The following DNAJC1 variants were observed in gnomAD, a reference collection of about 807,000 sequenced individuals.
DNAJC1 encodes the protein dnaJ homolog subfamily C member 1.
Under a neutral mutation model 76.6 loss-of-function variants are expected in DNAJC1, and 58 were observed. That is an observed-to-expected ratio of 0.76 (90% confidence interval 0.61 to 0.94). The LOEUF is 0.94. Among genes scored for constraint, DNAJC1 ranks in the 40% least tolerant of loss-of-function variants. The pLI is 0.00. For synonymous variants in DNAJC1, 258 were observed against 267.9 expected (o/e 0.96, Z 0.36); for missense variants, 689 against 677.3 (o/e 1.02, Z -0.19).
At chr10:21,799,705 G>A (rs765517975) in intron 9 of DNAJC1, among the ~76,000 whole-genome samples, 5 of 151,840 alleles carry the variant, frequency 3.3e-5, no homozygotes, top group Admixed American at 6.6e-5. Context: ...CTATCATGCC[G>A]TCCTTAGTTC....
intron 1 of DNAJC1, among the ~76,000 whole-genome samples, chr10:21,988,478 T>A (rs918228095): frequency 9.9e-5 from 15 of 152,114 alleles, no homozygotes; most frequent in Non-Finnish European, 2.1e-4. Context: ...CTCTTATAAA[T>A]TTGAATTACA....
chr10:21,803,589 CTGTGTGTGTG>C (rs113615504), intron 9 of DNAJC1, among the ~76,000 whole-genome samples: 26 of 140,736 alleles, frequency 1.8e-4, no homozygotes, highest in Non-Finnish European at 2.6e-4. Context: ...GAGTGATTTT[CTGTGTGTGTG>C]TGTGTGTGTG....
chr10:21,948,408 T>G (rs1371783328), intron 1 of DNAJC1, among the ~76,000 whole-genome samples: 1 of 152,212 alleles, frequency 6.6e-6, no homozygotes, highest in Non-Finnish European at 1.5e-5. Flanking sequence ...TACTTAGATA[T>G]AATATCACAA....
chr10:21,821,339 T>C (rs1176129823), intron 8 of DNAJC1, among the ~76,000 whole-genome samples: 1 of 152,196 alleles, frequency 6.6e-6, no homozygotes, highest in African/African-American at 2.4e-5. Context: ...ATGCAATATA[T>C]ACAGTGGTAT....
At chr10:21,922,659 C>G (rs916877170) in intron 3 of DNAJC1, among the ~76,000 whole-genome samples, 1 of 151,892 alleles carries the variant, frequency 6.6e-6, no homozygotes, top group South Asian at 2.1e-4. Context: ...AATACTGATT[C>G]ATTTTAAATG....
At chr10:21,872,051 T>C (rs1836112613) in intron 8 of DNAJC1, among the ~76,000 whole-genome samples, 2 of 151,036 alleles carry the variant, frequency 1.3e-5, no homozygotes, top group Non-Finnish European at 2.9e-5. Flanking sequence ...CAATGAACTT[T>C]CTAGACAAAA....
chr10:21,873,259 C>A (rs1836133569), intron 8 of DNAJC1, among the ~76,000 whole-genome samples: 1 of 152,178 alleles, frequency 6.6e-6, no homozygotes, highest in Non-Finnish European at 1.5e-5. Context: ...TCTCCTTCTA[C>A]AACTTGGTGT....
Position 21,759,309 on chromosome 10 carries a change from C to G in DNAJC1, c.1457G>C (p.Arg486Thr), listed in dbSNP as rs771186669. The part of the protein sequence containing the change: ...QNESSDEESL[R>T]KERARSAEEP... Reference sequence around the variant, plus strand: ...CTCTGCAGACCGAGCTCTCTCTTTTCTCAGGCTCTCCTCGTCGCTGGACTC... The same window carrying G: ...CTCTGCAGACCGAGCTCTCTCTTTTGTCAGGCTCTCCTCGTCGCTGGACTC... Residue 486 changes from arginine to threonine, a missense_variant, in exon 11 of 12, where the codon AGA (arginine) becomes ACA (threonine). By Grantham distance (71) the Arg-to-Thr change is moderately conservative. Transcript: ENST00000376980. 3 of 1,614,256 alleles carry G rather than the reference C, an allele frequency of 1.9e-6. No homozygotes were observed. The highest frequency in any genetic ancestry group is 2.5e-6 in the Non-Finnish European group (3 of 1,180,046).
intron 1 of DNAJC1, among the ~76,000 whole-genome samples, chr10:21,937,015 C>T (rs1353185409): frequency 6.6e-6 from 1 of 152,068 alleles, no homozygotes; most frequent in Non-Finnish European, 1.5e-5. Flanking sequence ...CAAACATGAT[C>T]CATCACAGCA....
At chr10:21,877,388 C>T (rs1836204593) in intron 8 of DNAJC1, among the ~76,000 whole-genome samples, 2 of 151,750 alleles carry the variant, frequency 1.3e-5, no homozygotes, top group African/African-American at 4.8e-5. Flanking sequence ...CATCAAAAGA[C>T]ACCACTAAGA....
intron 6 of DNAJC1, among the ~76,000 whole-genome samples, chr10:21,907,684 T>C (rs1196114502): frequency 6.6e-6 from 1 of 151,974 alleles, no homozygotes; most frequent in African/African-American, 2.4e-5. Context: ...TTTGGATCAA[T>C]ATGAGGAAGA....
At chr10:21,815,005 T>C (rs955173668) in intron 8 of DNAJC1, among the ~76,000 whole-genome samples, 2 of 152,134 alleles carry the variant, frequency 1.3e-5, no homozygotes, top group Admixed American at 6.5e-5. Flanking sequence ...CACTGCTAGC[T>C]TGAGTCAGGC....
chr10:21,931,287 CTCTCT>C (rs1159361027), intron 1 of DNAJC1, among the ~76,000 whole-genome samples: 1 of 152,216 alleles, frequency 6.6e-6, no homozygotes, highest in Non-Finnish European at 1.5e-5. Context: ...ATACAGACAG[CTCTCT>C]TCTAAGGAAC....
intron 9 of DNAJC1, among the ~76,000 whole-genome samples, chr10:21,769,259 C>G (rs1397649540): frequency 6.6e-6 from 1 of 152,154 alleles, no homozygotes; most frequent in East Asian, 1.9e-4. Flanking sequence ...AGAAACTGAC[C>G]ACGCAACAAT....
chr10:21,939,764 G>C (rs912046040), intron 1 of DNAJC1, among the ~76,000 whole-genome samples: 6 of 152,018 alleles, frequency 3.9e-5, no homozygotes, highest in Non-Finnish European at 7.4e-5. Flanking sequence ...TCATTAAGCA[G>C]TACTTGACTG....
chr10:21,994,713 T>C (rs1838386256), intron 1 of DNAJC1, among the ~76,000 whole-genome samples: 2 of 151,588 alleles, frequency 1.3e-5, no homozygotes, highest in Admixed American at 1.3e-4. Context: ...ATGGCATGAA[T>C]CCGGGAGGCA....
At chr10:21,799,310 T>C (rs1411824411) in intron 9 of DNAJC1, among the ~76,000 whole-genome samples, 1 of 152,110 alleles carries the variant, frequency 6.6e-6, no homozygotes, top group Non-Finnish European at 1.5e-5. Flanking sequence ...TGTTGTTTTT[T>C]TGTTTTGAGA....
At chr10:21,765,913 C>A (rs1013007863) in intron 10 of DNAJC1, among the ~76,000 whole-genome samples, 1 of 152,176 alleles carries the variant, frequency 6.6e-6, no homozygotes, top group African/African-American at 2.4e-5. Context: ...TCTGCAAGTG[C>A]GGCAGTGACA....
At chr10:21,811,575 C>G (rs1379406585) in intron 8 of DNAJC1, among the ~76,000 whole-genome samples, 1 of 152,154 alleles carries the variant, frequency 6.6e-6, no homozygotes, top group Non-Finnish European at 1.5e-5. Context: ...CAAAATTAAA[C>G]TTTTAGTCTT....
Sources: allele counts gnomAD v4.1 joint callset (sites outside exome capture counted in the v4.1 genomes callset), GRCh38; gene constraint gnomAD v4.1.1; transcripts MANE v1.5; gene names NCBI Gene and HGNC (gene_info 2026-07-23, HGNC 2026-07-21).